Variants in DAB1 observed in about 807,000 individuals in gnomAD.
DAB1 encodes disabled homolog 1.
Under a neutral mutation model 64.6 loss-of-function variants are expected in DAB1, and 15 were observed. The observed-to-expected ratio is 0.23, with a 90% CI of 0.16 to 0.36. DAB1 has a LOEUF of 0.36. Among genes scored for constraint, DAB1 ranks in the 10% least tolerant of loss-of-function variants. The pLI, the probability that DAB1 is intolerant of heterozygous loss-of-function variation, is 1.00. For missense variants in DAB1, 596 were observed against 706.7 expected, an observed-to-expected ratio of 0.84 and a Z score of 1.78; for synonymous variants, 235 against 251.9, an observed-to-expected ratio of 0.93 and a Z score of 0.64.
chr1:57,095,885 C>T (rs552585347), intron 4 of DAB1, among the ~76,000 whole-genome samples: 1 of 152,248 alleles, frequency 6.6e-6, no homozygotes, highest in Non-Finnish European at 1.5e-5. Context: ...CATAAAAGTG[C>T]TCAGAAAAGT....
At position 58,032,141 on chromosome 1, in the gene DAB1, A is replaced by G. The variant is rs191926007; in HGVS notation, n.387+118370T>C. ...CTAGGAATGCAGAACCTCCAGCCAG[A>G]CCCTAGTGCTAGTGAGTTGGAATCT... is the stretch of plus-strand genomic sequence containing the variant. On this transcript the variant is annotated intron_variant and non_coding_transcript_variant, in intron 5 of 20. Transcript: ENST00000485760. Among the ~76,000 whole-genome samples, 63 of 151,958 alleles carry G rather than the reference A, an allele frequency of 4.1e-4. 1 individual carries two copies. Among genetic ancestry groups the G allele is most frequent in the Non-Finnish European group, 7.2e-4 (49 of 67,984 alleles).
chr1:58,250,522 A>G (rs993952375), intron 4 of DAB1, among the ~76,000 whole-genome samples: 1 of 152,192 alleles, frequency 6.6e-6, no homozygotes, highest in Non-Finnish European at 1.5e-5. Context: ...TCTGCAGGCC[A>G]CATCTTTCAT....
At chr1:57,759,788 G>T (rs143140589) in intron 6 of DAB1, among the ~76,000 whole-genome samples, 137 of 152,240 alleles carry the variant, frequency 9.0e-4, no homozygotes, top group Non-Finnish European at 1.7e-3. Flanking sequence ...TAGGGACATT[G>T]ACCATGGTGG....
intron 1 of DAB1, among the ~76,000 whole-genome samples, chr1:57,401,883 A>G (rs1034729698): frequency 2.0e-5 from 3 of 152,192 alleles, no homozygotes; most frequent in Non-Finnish European, 4.4e-5. Context: ...ATTTGCTAAA[A>G]CTGAGCTTCA....
At chr1:58,499,734 T>C (rs1441102667) in intron 3 of DAB1, among the ~76,000 whole-genome samples, 1 of 152,224 alleles carries the variant, frequency 6.6e-6, no homozygotes, top group African/African-American at 2.4e-5. Flanking sequence ...TATACAGATA[T>C]TGAAACATCA....
chr1:57,789,542 G>C (rs1535769), intron 6 of DAB1, among the ~76,000 whole-genome samples: 96,699 of 152,074 alleles, frequency 0.64, 31,162 homozygotes, highest in African/African-American at 0.74. Flanking sequence ...TGTCTTCCTC[G>C]TGTGTCCTCA....
At chr1:58,397,538 G>C (rs1273001124) in intron 3 of DAB1, among the ~76,000 whole-genome samples, 1 of 152,156 alleles carries the variant, frequency 6.6e-6, no homozygotes, top group Non-Finnish European at 1.5e-5. Flanking sequence ...CAGGTTGAAG[G>C]CCACGCCTCC....
At chr1:58,535,316 C>G (rs1646498844) in intron 1 of DAB1, among the ~76,000 whole-genome samples, 1 of 152,034 alleles carries the variant, frequency 6.6e-6, no homozygotes, top group Non-Finnish European at 1.5e-5. Context: ...TAAGAATCAA[C>G]AAGCGGCTGG....
intron 4 of DAB1, among the ~76,000 whole-genome samples, chr1:58,154,345 A>C (rs1276481843): frequency 6.6e-6 from 1 of 152,158 alleles, no homozygotes; most frequent in Non-Finnish European, 1.5e-5. Flanking sequence ...AGTAGAGTCC[A>C]TCCCGACCCT....
At chr1:58,035,064 T>C (rs1029270837) in intron 5 of DAB1, among the ~76,000 whole-genome samples, 2 of 152,170 alleles carry the variant, frequency 1.3e-5, no homozygotes, top group East Asian at 3.9e-4. Context: ...TGAGACACCA[T>C]GTTAAGAATT....
intron 5 of DAB1, among the ~76,000 whole-genome samples, chr1:58,142,664 G>T (rs1271370890): frequency 6.6e-6 from 1 of 152,210 alleles, no homozygotes. Flanking sequence ...ATATTTTTCT[G>T]TTCCCCTAAC....
At chr1:57,930,663 G>T (rs371808594) in intron 5 of DAB1, among the ~76,000 whole-genome samples, 2 of 152,114 alleles carry the variant, frequency 1.3e-5, no homozygotes, top group East Asian at 3.9e-4. Context: ...TTCAAATTCT[G>T]TTTGTTCACT....
chr1:57,501,484 G>A (rs892761618), intron 7 of DAB1, among the ~76,000 whole-genome samples: 3 of 152,158 alleles, frequency 2.0e-5, no homozygotes, highest in African/African-American at 7.2e-5. Flanking sequence ...AGCCATTTAA[G>A]CCTTGGATGA....
At position 57,861,216 on chromosome 1, in the gene DAB1, G is replaced by A. The variant is rs77315324; in HGVS notation, n.87+22783C>T. ...CTGTAAGCATGGACTTTACTCAGAC[G>A]GACCTTGTCTTAGTTTATGGTACTT... On this transcript the variant is annotated intron_variant and non_coding_transcript_variant, in intron 1 of 1. Coordinates refer to the DAB1 transcript ENST00000477280. 1.3e-3 allele frequency among the ~76,000 whole-genome samples: 196 copies of A among 152,310 alleles called. 1 individual carries two copies. Among genetic ancestry groups the A allele is most frequent in the Admixed American group, 2.3e-3 (35 of 15,302 alleles).
chr1:57,824,416 G>C (rs141260519), downstream of DAB1, among the ~76,000 whole-genome samples: 204 of 152,178 alleles, frequency 1.3e-3, no homozygotes, highest in African/African-American at 4.7e-3. Flanking sequence ...TTTGAAATTT[G>C]ACTAATTCTT....
At chr1:58,147,916 G>A (rs1215689171) in intron 5 of DAB1, among the ~76,000 whole-genome samples, 1 of 147,146 alleles carries the variant, frequency 6.8e-6, no homozygotes, top group African/African-American at 2.5e-5. Context: ...ATTGGAGCAG[G>A]GATTTCAATC....
chr1:58,259,159 A>T (rs1660997167), intron 4 of DAB1, among the ~76,000 whole-genome samples: 1 of 152,180 alleles, frequency 6.6e-6, no homozygotes, highest in Non-Finnish European at 1.5e-5. Context: ...TCTTGTAGGG[A>T]TATGCTATAA....
chr1:57,027,878 C>T (rs706363), intron 9 of DAB1, among the ~76,000 whole-genome samples: 128,187 of 152,168 alleles, frequency 0.84, 54,147 homozygotes, highest in Middle Eastern at 0.95. Context: ...AATAATTTTT[C>T]ATAAATGTTC....
chr1:58,310,541 G>A (rs1432678375), intron 4 of DAB1, among the ~76,000 whole-genome samples: 1 of 152,150 alleles, frequency 6.6e-6, no homozygotes, highest in East Asian at 1.9e-4. Flanking sequence ...GCCTTTGCCT[G>A]TAGCTCCTTA....
Sources: allele counts gnomAD v4.1 joint callset (sites outside exome capture counted in the v4.1 genomes callset), GRCh38; gene constraint gnomAD v4.1.1; transcripts MANE v1.5; gene names NCBI Gene and HGNC (gene_info 2026-07-23, HGNC 2026-07-21).